Variants in UNC13C observed in about 807,000 individuals in gnomAD.
UNC13C encodes the protein protein unc-13 homolog C.
Under a neutral mutation model 245.4 loss-of-function variants are expected in UNC13C, and 174 were observed. That is an observed-to-expected ratio of 0.71 (90% CI 0.63 to 0.80). The LOEUF (loss-of-function observed/expected upper bound fraction) is 0.80. Among genes scored for constraint, UNC13C ranks in the 30% least tolerant of loss-of-function variants. The probability of loss-of-function intolerance (pLI) is 0.00; values close to 1 mark genes in which losing one functional copy is unlikely to be tolerated. For synonymous variants in UNC13C, 992 were observed against 895.1 expected, an observed-to-expected ratio of 1.11 and a Z score of -1.93; for missense variants, 2,829 against 2,602.9, an observed-to-expected ratio of 1.09 and a Z score of -1.89.
chr15:54,440,017 A>C (rs1890430694), intron 19 of UNC13C, among the ~76,000 whole-genome samples: 1 of 151,794 alleles, frequency 6.6e-6, no homozygotes, highest in Non-Finnish European at 1.5e-5. Flanking sequence ...ATCTCATCTT[A>C]AATTGCAATC....
chr15:54,606,057 A>C (rs1359397379), intron 30 of UNC13C, among the ~76,000 whole-genome samples: 1 of 152,224 alleles, frequency 6.6e-6, no homozygotes, highest in Admixed American at 6.5e-5. Flanking sequence ...CTGGTGAGAA[A>C]GACTTTGCAA....
chr15:53,967,588 T>C, the UNC13C span, among the ~76,000 whole-genome samples: 1 of 152,146 alleles, frequency 6.6e-6, no homozygotes, highest in Non-Finnish European at 1.5e-5. Context: ...TCAAGGACTT[T>C]TATTTGTTAT....
intron 17 of UNC13C, among the ~76,000 whole-genome samples, chr15:54,356,531 C>T (rs1046205644): frequency 3.9e-5 from 6 of 152,122 alleles, no homozygotes; most frequent in East Asian, 3.8e-4. Flanking sequence ...ATAGATATAG[C>T]GTCTGGTGGG....
At chr15:53,872,840 G>C in the UNC13C span, among the ~76,000 whole-genome samples, 142,093 of 152,216 alleles carry the variant, frequency 0.93, 67,131 homozygotes, top group East Asian at 1. Flanking sequence ...TGAAATTGAT[G>C]TTGTTGGGGG....
chr15:53,973,500 T>A (rs1893602388), upstream of UNC13C, among the ~76,000 whole-genome samples: 1 of 151,940 alleles, frequency 6.6e-6, no homozygotes, highest in African/African-American at 2.4e-5. Context: ...AAAGCCCAAA[T>A]TGGAAACCAG....
At chr15:54,286,500 A>G (rs903354283) in intron 10 of UNC13C, among the ~76,000 whole-genome samples, 2 of 152,120 alleles carry the variant, frequency 1.3e-5, no homozygotes, top group African/African-American at 4.8e-5. Context: ...GTTTTTTTCC[A>G]TTGAAGTCAG....
intron 19 of UNC13C, among the ~76,000 whole-genome samples, chr15:54,452,669 G>C (rs1034165385): frequency 2.6e-4 from 39 of 152,212 alleles, no homozygotes; most frequent in African/African-American, 8.7e-4. Context: ...CAGACGGAGT[G>C]ATCCTCAGAC....
intron 24 of UNC13C, chr15:54,512,350 G>A (rs1158075436): frequency 6.6e-6 from 3 of 455,944 alleles, no homozygotes; most frequent in Admixed American, 4.7e-5. Context: ...ATGAGCAGAA[G>A]AAGGAAGGAG....
intron 17 of UNC13C, among the ~76,000 whole-genome samples, chr15:54,355,496 A>G (rs905479146): frequency 6.6e-6 from 1 of 151,978 alleles, no homozygotes; most frequent in African/African-American, 2.4e-5. Flanking sequence ...AGCTGGGGCT[A>G]CAGGCACGCA....
intron 17 of UNC13C, among the ~76,000 whole-genome samples, chr15:54,377,619 T>C (rs1050733320): frequency 2.0e-5 from 3 of 152,252 alleles, no homozygotes; most frequent in African/African-American, 7.2e-5. Flanking sequence ...TTTCTCACAG[T>C]TCTGAGGCCA....
chr15:53,966,720 T>A, the UNC13C span, among the ~76,000 whole-genome samples: 1 of 152,106 alleles, frequency 6.6e-6, no homozygotes, highest in Non-Finnish European at 1.5e-5. Context: ...ATAGATTGAT[T>A]TTTCTCAGGC....
At chr15:54,083,823 A>G (rs1040317346) in intron 2 of UNC13C, among the ~76,000 whole-genome samples, 1 of 152,122 alleles carries the variant, frequency 6.6e-6, no homozygotes, top group African/African-American at 2.4e-5. Context: ...CTGCTGGTGC[A>G]TCGTCTTGGG....
At chr15:54,360,062 C>T (rs1055910221) in intron 17 of UNC13C, among the ~76,000 whole-genome samples, 2 of 151,832 alleles carry the variant, frequency 1.3e-5, no homozygotes, top group Non-Finnish European at 2.9e-5. Flanking sequence ...TTCATTGACC[C>T]ATTATTGTTC....
chr15:54,494,737 AAGT>A lies in UNC13C; in HGVS notation c.5060+7_5060+9del. ...GATGCTGTTCCTGAATACTCCTTGTAAGTAGTGATTTTAACACACACACCCTCA... is the reference window on the plus strand; with the variant it reads ...GATGCTGTTCCTGAATACTCCTTGTAAGTGATTTTAACACACACACCCTCA... On this transcript the variant is annotated splice_donor_5th_base_variant and intron_variant, in intron 20 of 32. Transcript: ENST00000260323. 6.2e-7 allele frequency: 1 copy of A among 1,610,144 alleles called. No homozygotes were observed. The highest frequency in any genetic ancestry group is 1.7e-5 in the Admixed American group (1 of 59,400).
At chr15:54,622,793 T>G (rs1900877651) in intron 31 of UNC13C, among the ~76,000 whole-genome samples, 2 of 152,166 alleles carry the variant, frequency 1.3e-5, no homozygotes. Context: ...GGCTTAGAGT[T>G]CTTTACAATG....
At chr15:54,506,123 G>A (rs1276332070) in intron 22 of UNC13C, among the ~76,000 whole-genome samples, 1 of 152,142 alleles carries the variant, frequency 6.6e-6, no homozygotes. Flanking sequence ...ATCTCACATG[G>A]CAGTAAGTTG....
intron 26 of UNC13C, among the ~76,000 whole-genome samples, chr15:54,540,765 C>T (rs888210473): frequency 7.9e-5 from 12 of 152,050 alleles, no homozygotes; most frequent in Admixed American, 5.3e-4. Flanking sequence ...CTACGAGCTG[C>T]GCACGTGACA....
At chr15:54,380,780 G>C (rs2039706992) in intron 17 of UNC13C, among the ~76,000 whole-genome samples, 1 of 152,018 alleles carries the variant, frequency 6.6e-6, no homozygotes, top group Admixed American at 6.6e-5. Context: ...TATCTGTTTA[G>C]GTTCTTTGCC....
intron 19 of UNC13C, among the ~76,000 whole-genome samples, chr15:54,446,892 GT>G (rs1890846010): frequency 6.6e-6 from 1 of 152,144 alleles, no homozygotes; most frequent in South Asian, 2.1e-4. Context: ...AATGCTTCCA[GT>G]TTTTGCCCAT....
Sources: allele counts gnomAD v4.1 joint callset (sites outside exome capture counted in the v4.1 genomes callset), GRCh38; gene constraint gnomAD v4.1.1; transcripts MANE v1.5; gene names NCBI Gene and HGNC (gene_info 2026-07-23, HGNC 2026-07-21).